The following PRMT8 variants were observed in gnomAD, a reference collection of about 807,000 sequenced individuals.
PRMT8 encodes protein arginine N-methyltransferase 8.
PRMT8 carries 7 observed loss-of-function variants against 47.1 expected under a neutral mutation model. The ratio of observed to expected loss-of-function variants is 0.15; its 90% CI spans 0.08 to 0.28. PRMT8 has a LOEUF of 0.28. PRMT8 is among the 10% of genes least tolerant of loss of function. The pLI, the probability that PRMT8 is intolerant of heterozygous loss-of-function variation, is 1.00. For synonymous variants in PRMT8, 188 were observed against 186.5 expected, an observed-to-expected ratio of 1.01 and a Z score of -0.07; for missense variants, 237 against 505.4, an observed-to-expected ratio of 0.47 and a Z score of 5.09.
intron 1 of PRMT8, among the ~76,000 whole-genome samples, chr12:3,452,875 T>C (rs1174173112): frequency 6.6e-6 from 1 of 152,130 alleles, no homozygotes; most frequent in East Asian, 1.9e-4. Context: ...GCCTGAGAAG[T>C]CAGCATCTTT....
intron 5 of PRMT8, 152 bp downstream of exon 5, chr12:3,569,000 A>AACAGACATCCGTTCTC: frequency 1.8e-6 from 2 of 1,092,476 alleles, no homozygotes; most frequent in Non-Finnish European, 2.6e-6. Flanking sequence ...GCAGATCTGT[A>AACAGACATCCGTTCTC]TCAGGGAACA....
At chr12:3,577,987 G>A (rs964043680) in intron 7 of PRMT8, among the ~76,000 whole-genome samples, 1 of 152,104 alleles carries the variant, frequency 6.6e-6, no homozygotes, top group African/African-American at 2.4e-5. Flanking sequence ...CACAGGCTGG[G>A]TTGCCTCTTC....
chr12:3,413,182 G>A (rs1034866085), intron 1 of PRMT8, among the ~76,000 whole-genome samples: 2 of 152,082 alleles, frequency 1.3e-5, no homozygotes, highest in Non-Finnish European at 2.9e-5. Flanking sequence ...AGTAGAGATG[G>A]GGTTTTACCA....
chr12:3,420,812 G>T (rs1488161340), intron 1 of PRMT8, among the ~76,000 whole-genome samples: 1 of 152,232 alleles, frequency 6.6e-6, no homozygotes, highest in Admixed American at 6.5e-5. Flanking sequence ...GTGGATAGAT[G>T]AAATCGAGTC....
chr12:3,417,437 T>A (rs1331530282), intron 1 of PRMT8, among the ~76,000 whole-genome samples: 1 of 152,204 alleles, frequency 6.6e-6, no homozygotes. Context: ...CAGAGGAGCG[T>A]CCAGCTCTCA....
chr12:3,427,282 G>A (rs916772283), intron 1 of PRMT8, among the ~76,000 whole-genome samples: 15 of 152,146 alleles, frequency 9.9e-5, no homozygotes, highest in African/African-American at 3.6e-4. Context: ...TTGACCATAA[G>A]GTAAAATTTT....
intron 1 of PRMT8, among the ~76,000 whole-genome samples, chr12:3,390,178 G>C (rs1347224754): frequency 1.3e-5 from 2 of 152,264 alleles, no homozygotes; most frequent in Admixed American, 1.3e-4. Flanking sequence ...CTTCCCACTT[G>C]CTGCTCAGTA....
At chr12:3,388,209 T>C (rs981540766) in intron 1 of PRMT8, among the ~76,000 whole-genome samples, 1 of 152,204 alleles carries the variant, frequency 6.6e-6, no homozygotes, top group Non-Finnish European at 1.5e-5. Context: ...TTTCATGACA[T>C]TGACAGTTTT....
Position 3,381,387 on chromosome 12 carries a change from C to T in PRMT8, c.-8C>T. 2.0e-6 allele frequency: 3 copies of T among 1,536,026 alleles called. No homozygotes were observed. In the South Asian group the frequency reaches 3.6e-5, roughly 18 times the overall value. On this transcript the variant is annotated 5_prime_UTR_variant, in exon 1 of 10. Coordinates refer to the PRMT8 transcript ENST00000452611. ...GGAGGCTTGCTGTTTGAATGTGTGCCAGGTTGAATGGAGTCTCTGGCTTCA... is the reference window on the plus strand; with the variant it reads ...GGAGGCTTGCTGTTTGAATGTGTGCTAGGTTGAATGGAGTCTCTGGCTTCA...
At position 3,493,520 on chromosome 12, in the gene PRMT8, G is replaced by A. The variant is rs1865456856; in HGVS notation, c.75+1820G>A. Among the ~76,000 whole-genome samples the A allele has an allele frequency of 6.6e-6, 1 of 152,102 alleles. No homozygotes were observed. Among genetic ancestry groups the A allele is most frequent in the South Asian group, 2.1e-4 (1 of 4,834 alleles). ...CATTTTTCTAAGAAAAAGTTTTTGC[G>A]GTTCCCTTTGCCTCCTACCCCCGCT... On this transcript the variant is annotated intron_variant, in intron 1 of 9. Transcript: ENST00000382622. This position sits in a 1 kb window ranked among gnomAD's most constrained non-coding sequence, Gnocchi z 8.2.
intron 1 of PRMT8, among the ~76,000 whole-genome samples, chr12:3,526,778 C>A (rs919281044): frequency 6.6e-6 from 1 of 152,070 alleles, no homozygotes; most frequent in Non-Finnish European, 1.5e-5. Context: ...CTGAAATATA[C>A]ATTGTTTGAT....
chr12:3,534,132 A>G (rs990552840), intron 1 of PRMT8, among the ~76,000 whole-genome samples: 10 of 152,238 alleles, frequency 6.6e-5, no homozygotes, highest in African/African-American at 1.7e-4. Context: ...GTCCCCTCCC[A>G]CTGCGATCCT....
At chr12:3,568,619 A>G in intron 4 of PRMT8, 87 bp from the exon 5 acceptor site, 1 of 1,492,494 alleles carries the variant, frequency 6.7e-7, no homozygotes, top group Non-Finnish European at 9.3e-7. Flanking sequence ...TAGGGCTGAA[A>G]CCTGGAGATC....
chr12:3,530,829 G>T (rs1016227570), intron 1 of PRMT8, among the ~76,000 whole-genome samples: 6 of 152,186 alleles, frequency 3.9e-5, no homozygotes, highest in African/African-American at 1.4e-4. Context: ...TGTACCACAC[G>T]CTCGAATTTC....
Position 3,498,574 on chromosome 12 carries a change from G to A in PRMT8, c.75+6874G>A, listed in dbSNP as rs141352553. The stretch of plus-strand genomic sequence containing the variant: ...ACAGCCATCACCTCACTCTCCCTGC[G>A]CATCTAAACTATCCCTAGGCGTGGG... On this transcript the variant is annotated intron_variant, in intron 1 of 9. Transcript: ENST00000382622. Among the ~76,000 whole-genome samples the A allele has an allele frequency of 5.0e-3, 762 of 152,156 alleles. 4 individuals carry two copies. Among genetic ancestry groups the A allele is most frequent in the Middle Eastern group, 0.017 (5 of 294 alleles).
At position 3,550,879 on chromosome 12, in the gene PRMT8, T is replaced by A. The variant is rs1457241613; in HGVS notation, c.417+788T>A. 2 of 152,238 alleles carry A rather than the reference T, an allele frequency of 1.3e-5. No individual in the cohort carries two copies. The highest frequency in any genetic ancestry group is 4.8e-5 in the African/African-American group (2 of 41,428). The allele number at this position is 152,238 out of a possible 1,614,324, so 9.4% of individuals were successfully genotyped here. ...AAAAGAAGAGCTGCGAGATGCTGGC[T>A]GATATTTGAAAAATGCAGTGGGCCC... On this transcript the variant is annotated intron_variant, in intron 3 of 9. Coordinates refer to ENST00000382622, the MANE Select transcript of PRMT8 (RefSeq NM_019854.5). The surrounding 1 kb of genome is among the most constrained non-coding windows in gnomAD (Gnocchi z 5.1).
chr12:3,533,440 G>T (rs1293962654), intron 1 of PRMT8, among the ~76,000 whole-genome samples: 1 of 152,212 alleles, frequency 6.6e-6, no homozygotes, highest in Non-Finnish European at 1.5e-5. Flanking sequence ...AATACTATGA[G>T]ATTTTGTTTG....
chr12:3,561,090 G>A (rs1219045038), intron 4 of PRMT8, among the ~76,000 whole-genome samples: 1 of 152,186 alleles, frequency 6.6e-6, no homozygotes, highest in African/African-American at 2.4e-5. Flanking sequence ...TGATTCTCCT[G>A]GTGGGGATTC....
At chr12:3,382,129 C>G (rs537799090) in intron 1 of PRMT8, among the ~76,000 whole-genome samples, 135 of 152,294 alleles carry the variant, frequency 8.9e-4, no homozygotes, top group African/African-American at 3.1e-3. Context: ...TAACCATTCA[C>G]TCACTGAAGA....
Sources: allele counts gnomAD v4.1 joint callset (sites outside exome capture counted in the v4.1 genomes callset), GRCh38; gene constraint gnomAD v4.1.1; non-coding constraint Gnocchi (gnomAD v3.1); transcripts MANE v1.5; gene names NCBI Gene and HGNC (gene_info 2026-07-23, HGNC 2026-07-21).